Variants in MKLN1 observed in about 807,000 individuals in gnomAD.
MKLN1 encodes the protein muskelin 1, also known as muskelin.
In MKLN1, 18 loss-of-function variants were observed where a neutral mutation model predicts 99.0. That is an observed-to-expected ratio of 0.18 (90% CI 0.13 to 0.27). The LOEUF is 0.27. Ranked by LOEUF, MKLN1 falls within the 10% of genes least tolerant of loss-of-function variation. The pLI is 1.00. For missense variants in MKLN1, 621 were observed against 875.9 expected, an observed-to-expected ratio of 0.71 and a Z score of 3.67; for synonymous variants, 288 against 293.2, an observed-to-expected ratio of 0.98 and a Z score of 0.18.
chr7:131,233,323 C>T (rs76778388), intron 3 of MKLN1, among the ~76,000 whole-genome samples: 7,793 of 151,406 alleles, frequency 0.051, 271 homozygotes, highest in East Asian at 0.19. Context: ...TAGTGATCTA[C>T]GATGCCACTG....
intron 12 of MKLN1, among the ~76,000 whole-genome samples, chr7:131,461,266 T>TC (rs1016484565): frequency 1.6e-4 from 24 of 151,666 alleles, no homozygotes; most frequent in African/African-American, 5.6e-4. Context: ...GTTTTTTTTT[T>TC]TTAATACTTT....
intron 3 of MKLN1, among the ~76,000 whole-genome samples, chr7:131,252,519 C>T (rs781422417): frequency 4.6e-5 from 7 of 151,642 alleles, no homozygotes; most frequent in East Asian, 3.9e-4. Context: ...TTAGTAGAGA[C>T]GGGGTTCCAT....
intron 1 of MKLN1, among the ~76,000 whole-genome samples, chr7:131,133,797 T>C (rs1795600423): frequency 1.7e-5 from 2 of 118,584 alleles, no homozygotes; most frequent in African/African-American, 3.0e-5. Flanking sequence ...CAGGTTGACT[T>C]CTTTTTTTTT....
intron 1 of MKLN1, among the ~76,000 whole-genome samples, chr7:131,139,852 A>G (rs1795705326): frequency 6.6e-6 from 1 of 152,100 alleles, no homozygotes; most frequent in Admixed American, 6.6e-5. Context: ...TTTGGCCAAG[A>G]CCAGTACTGG....
intron 2 of MKLN1, among the ~76,000 whole-genome samples, chr7:131,146,960 T>C (rs1462509356): frequency 6.6e-6 from 1 of 152,228 alleles, no homozygotes; most frequent in Non-Finnish European, 1.5e-5. Flanking sequence ...TGTATGTTTT[T>C]TAAGTATGAT....
At chr7:131,167,671 CAAA>C (rs59503509) in intron 2 of MKLN1, among the ~76,000 whole-genome samples, 2 of 116,102 alleles carry the variant, frequency 1.7e-5, no homozygotes, top group Admixed American at 8.6e-5. Context: ...GACTCTGTCT[CAAA>C]AAAAAAAAAA....
intron 3 of MKLN1, among the ~76,000 whole-genome samples, chr7:131,246,118 C>A (rs1797483806): frequency 6.6e-6 from 1 of 152,180 alleles, no homozygotes; most frequent in Non-Finnish European, 1.5e-5. Context: ...TGCCATCAGC[C>A]CACAGACCAC....
At chr7:131,121,193 T>G (rs6947261) in intron 1 of MKLN1, among the ~76,000 whole-genome samples, 1 of 152,128 alleles carries the variant, frequency 6.6e-6, no homozygotes, top group Non-Finnish European at 1.5e-5. Context: ...ACAGATCTCG[T>G]GAGAACTCAC....
rs1796369575 is a variant in MKLN1, at chr7:131,180,942, G to A, written c.-296-21915G>A. On this transcript the variant is annotated intron_variant, in intron 2 of 7. Transcript: ENST00000416992. ...CTATGTACAAGAAACTCTCCATCTT[G>A]AAACATTTGTGTTATAATATCTGTC... Among the ~76,000 whole-genome samples, 6 of 152,022 alleles carry A rather than the reference G, an allele frequency of 3.9e-5. No individual in the cohort carries two copies. In the South Asian group the frequency reaches 1.2e-3, roughly 32 times the overall value.
At chr7:131,402,578 C>G (rs1030156498) in intron 6 of MKLN1, among the ~76,000 whole-genome samples, 3 of 152,152 alleles carry the variant, frequency 2.0e-5, no homozygotes, top group African/African-American at 4.8e-5. Flanking sequence ...GAATCACTGT[C>G]TGTGGCAACT....
chr7:131,169,448 TTGAC>T (rs773689157), intron 2 of MKLN1, among the ~76,000 whole-genome samples: 5 of 152,214 alleles, frequency 3.3e-5, no homozygotes, highest in Non-Finnish European at 5.9e-5. Context: ...AATTAACAGT[TTGAC>T]TGTTAATTTT....
At chr7:131,110,898 T>C (rs997447414) in intron 1 of MKLN1, among the ~76,000 whole-genome samples, 1 of 152,210 alleles carries the variant, frequency 6.6e-6, no homozygotes, top group African/African-American at 2.4e-5. Context: ...ATTGCAATAC[T>C]ACTCACTTTA....
chr7:131,391,393 G>A (rs1255513624), intron 4 of MKLN1, among the ~76,000 whole-genome samples: 1 of 152,184 alleles, frequency 6.6e-6, no homozygotes, highest in Non-Finnish European at 1.5e-5. Flanking sequence ...CACAGTAATG[G>A]AGGGGAACAG....
chr7:131,191,670 T>A (rs1048234345), intron 2 of MKLN1, among the ~76,000 whole-genome samples: 2 of 151,942 alleles, frequency 1.3e-5, no homozygotes, highest in African/African-American at 4.8e-5. Flanking sequence ...GGGTGTTACC[T>A]CCAATTGGTC....
At chr7:131,312,718 T>C (rs1430624944) in intron 3 of MKLN1, among the ~76,000 whole-genome samples, 1 of 152,226 alleles carries the variant, frequency 6.6e-6, no homozygotes, top group African/African-American at 2.4e-5. Flanking sequence ...TTATATGCTC[T>C]CTATGTAAAT....
intron 3 of MKLN1, among the ~76,000 whole-genome samples, chr7:131,314,616 G>C (rs1025872706): frequency 1.3e-5 from 2 of 151,870 alleles, no homozygotes; most frequent in Non-Finnish European, 2.9e-5. Flanking sequence ...TAGAGACGGG[G>C]TTTCACCGTA....
At chr7:131,119,869 T>C (rs1256229568) in intron 1 of MKLN1, among the ~76,000 whole-genome samples, 25 of 152,232 alleles carry the variant, frequency 1.6e-4, no homozygotes, top group Non-Finnish European at 3.2e-4. Flanking sequence ...TCTGCAGCCT[T>C]AAATTCCTCC....
At chr7:131,314,830 G>A (rs1236498046) in intron 3 of MKLN1, among the ~76,000 whole-genome samples, 1 of 151,968 alleles carries the variant, frequency 6.6e-6, no homozygotes, top group Non-Finnish European at 1.5e-5. Context: ...AGTGCGGTGT[G>A]ACATGATTAC....
chr7:131,158,837 G>A (rs888678568), intron 2 of MKLN1, among the ~76,000 whole-genome samples: 7 of 152,190 alleles, frequency 4.6e-5, no homozygotes, highest in Admixed American at 2.0e-4. Flanking sequence ...CTCAGAAAGT[G>A]TGATGGGGTG....
Sources: gnomAD v4.1 joint callset for allele counts (sites outside exome capture counted in the v4.1 genomes callset) on GRCh38, gnomAD v4.1.1 for gene constraint, MANE v1.5 for transcripts, NCBI Gene and HGNC (gene_info 2026-07-23, HGNC 2026-07-21) for gene names.